The following CDC42BPG variants were observed in gnomAD, a reference collection of about 807,000 sequenced individuals.
CDC42BPG encodes the protein serine/threonine-protein kinase MRCK gamma.
CDC42BPG carries 157 observed loss-of-function variants against 192.2 expected under a neutral mutation model. The observed-to-expected ratio is 0.82, with a 90% CI of 0.72 to 0.93. CDC42BPG has a LOEUF of 0.93. Ranked by LOEUF, CDC42BPG falls within the 40% of genes least tolerant of loss-of-function variation. CDC42BPG has a pLI of 0.00. For missense variants in CDC42BPG, 1,992 were observed against 2,122.1 expected, an observed-to-expected ratio of 0.94 and a Z score of 1.20; for synonymous variants, 981 against 918.5, an observed-to-expected ratio of 1.07 and a Z score of -1.23.
Position 64,830,200 on chromosome 11 carries a change from T to C in CDC42BPG, c.3361A>G (p.Ser1121Gly). 6.2e-7 allele frequency: 1 copy of C among 1,613,644 alleles called. No homozygotes were observed. The highest frequency in any genetic ancestry group is 8.5e-7 in the Non-Finnish European group (1 of 1,179,814). Reference protein sequence around the residue: ...EEGLFVIHLRSNDIFQVGECR... With the variant: ...EEGLFVIHLRGNDIFQVGECR... ...GCCCAGCTTTGATAGGTACCGTTGC[T>C]GCGCAGATGGATGACAAAGAGCCCC... Residue 1121 changes from serine to glycine, a missense_variant, in exon 29 of 37, where the codon AGC becomes GGC. Around this residue, in one of 2 missense-constraint regions of CDC42BPG, gnomAD observed 1,656 missense variants for 1,844.3 expected, o/e 0.90. Transcript: ENST00000342711.
intron 9 of CDC42BPG, among the ~76,000 whole-genome samples, chr11:64,837,731 G>C (rs529623752): frequency 6.6e-6 from 1 of 152,320 alleles, no homozygotes; most frequent in South Asian, 2.1e-4. Flanking sequence ...CTAAGTGCTG[G>C]GATTACAACC....
At chr11:64,829,442 C>T in intron 30 of CDC42BPG, 29 bp downstream of exon 30, 2 of 1,599,850 alleles carry the variant, frequency 1.3e-6, no homozygotes, top group Non-Finnish European at 1.7e-6. Flanking sequence ...GGTGCCTGGC[C>T]CCCCTGCCAA....
chr11:64,829,979 G>C lies in CDC42BPG; in HGVS notation c.3459C>G (p.Pro1153=), dbSNP rs201615762. ...CCGCCAGGGCAAAGAGACGCACGCT[G>C]GGGCCGCGGCCACACAGCACGACCA... ...GLLVVLCGRG[P]SVRLFALAEL... The change falls in exon 30 of 37, where the codon CCC becomes CCG. Residue 1153 remains proline (P), a synonymous_variant. Coordinates refer to ENST00000342711, the MANE Select transcript of CDC42BPG (RefSeq NM_017525.3). 2.9e-5 allele frequency: 47 copies of C among 1,612,752 alleles called. No homozygotes were observed. The highest frequency in any genetic ancestry group is 3.9e-5 in the Non-Finnish European group (46 of 1,179,868).
chr11:64,832,842 T>A lies in CDC42BPG; in HGVS notation c.2849A>T (p.Tyr950Phe). 2 of 1,582,186 alleles carry A rather than the reference T, an allele frequency of 1.3e-6. No individual in the cohort carries two copies. The highest frequency in any genetic ancestry group is 2.3e-5 in the South Asian group (2 of 87,322). Reference protein sequence around the residue: ...VHPETGTGTAYEGFLSVPRPS... With the variant: ...VHPETGTGTAFEGFLSVPRPS... Reference sequence around the variant, plus strand: ...CCCACTCACCGACAGAAAGCCCTCATAGGCAGTGCCTGTGCCTGTTTCGGG... The same window carrying A: ...CCCACTCACCGACAGAAAGCCCTCAAAGGCAGTGCCTGTGCCTGTTTCGGG... The change falls in exon 25 of 37, where the codon TAT becomes TTT. Residue 950 changes from tyrosine (Y) to phenylalanine (F), a missense_variant. By Grantham distance (22) the Tyr-to-Phe change is conservative. This residue lies in a region of CDC42BPG where 1,656 missense variants were observed against 1,844.3 expected (regional missense o/e 0.90). Transcript: ENST00000342711.
At position 64,836,726 on chromosome 11, in the gene CDC42BPG, G is replaced by GGCC; in HGVS notation, c.1384+12_1384+13insGGC. 1.8e-5 allele frequency: 16 copies of GGCC among 889,228 alleles called. No homozygotes were observed. The highest frequency in any genetic ancestry group is 3.7e-4 in the Middle Eastern group (1 of 2,702). 55.1% of individuals were successfully genotyped at this position (889,228 alleles called of 1,614,324 possible). A position where few individuals can be genotyped will look rare whatever the true frequency, so the allele number is the denominator to read the frequency against. ...AGCCCTGGGGGGGGGGGGGGGGTGG[G>GGCC]CGGAAGGGATACCTGGCAGCCTGTC... On this transcript the variant is annotated intron_variant, in intron 11 of 36. Transcript: ENST00000342711.
At chr11:64,824,738 A>T (rs1372894292) in intron 36 of CDC42BPG, among the ~76,000 whole-genome samples, 1 of 151,844 alleles carries the variant, frequency 6.6e-6, no homozygotes, top group Non-Finnish European at 1.5e-5. Context: ...ATGGACTCAA[A>T]GTCCTTTTTT....
chr11:64,835,968 C>T, intron 13 of CDC42BPG, 117 bp from the exon 14 acceptor site: 1 of 1,298,286 alleles, frequency 7.7e-7, no homozygotes, highest in Non-Finnish European at 1.1e-6. Context: ...CATGGACTCC[C>T]AGACTGCCCC....
intron 3 of CDC42BPG, 135 bp from the exon 4 acceptor site, chr11:64,840,783 T>C (rs1021672682): frequency 2.0e-5 from 15 of 743,568 alleles, no homozygotes; most frequent in Admixed American, 6.3e-5. Flanking sequence ...CTGTCCCCTG[T>C]CTGGCTGCGA....
rs559752796 is a variant in CDC42BPG at position 64,840,146 on chromosome 11, C to T, written c.555G>A (p.Ser185=). The change falls in exon 5 of 37, where the codon TCG becomes TCA. Residue 185 remains serine, a synonymous_variant. Transcript: ENST00000342711. ...YLAEMVLAIH[S]LHQLGYVHRD... ...TGTGGACATAACCCAGCTGGTGCAG[C>T]GAGTGGATGGCCAGCACCATCTCAG... The T allele has an allele frequency of 2.0e-5, 33 of 1,612,776 alleles. No individual in the cohort carries two copies. Among genetic ancestry groups the T allele is most frequent in the South Asian group, 8.8e-5 (8 of 91,052 alleles).
intron 1 of CDC42BPG, among the ~76,000 whole-genome samples, chr11:64,842,627 C>A (rs983886239): frequency 6.6e-6 from 1 of 152,242 alleles, no homozygotes; most frequent in Non-Finnish European, 1.5e-5. Context: ...CTCTCTCACT[C>A]CCAGCCCTGC....
rs1223982780 is a variant in CDC42BPG, at chr11:64,829,851, C to G, written c.3587G>C (p.Cys1196Ser). The G allele has an allele frequency of 1.9e-6, 3 of 1,607,584 alleles. No homozygotes were observed. The highest frequency in any genetic ancestry group is 2.5e-6 in the Non-Finnish European group (3 of 1,178,262). Residue 1196 changes from cysteine (C) to serine (S), a missense_variant, in exon 30 of 37, where the codon TGT (cysteine) becomes TCT (serine). Cys to Ser is a moderately radical substitution (Grantham distance 112). This residue lies in a region of CDC42BPG where 1,656 missense variants were observed against 1,844.3 expected (regional missense o/e 0.90). Transcript: ENST00000342711. ...GAGCACCTGGCGCTTGACGGCTACA[C>G]AGAGCACCGGGGTGCGGGCCTGCAG... is the stretch of plus-strand genomic sequence containing the variant. ...SILQARTPVLCVAVKRQVLCY... is the reference protein window; with the variant it reads ...SILQARTPVLSVAVKRQVLCY...
Position 64,844,635 on chromosome 11 carries a change from T to C in CDC42BPG, c.-66A>G. ...GCCCGCATGCCCGCCTGTCGGGCCG[T>C]CCGTCCGCCCAACCGTCTGAGGCTC... On this transcript the variant is annotated 5_prime_UTR_variant, in exon 1 of 37. Transcript: ENST00000342711. The C allele has an allele frequency of 1.7e-6, 2 of 1,188,180 alleles. No homozygotes were observed. Among genetic ancestry groups the C allele is most frequent in the Non-Finnish European group, 2.1e-6 (2 of 949,674 alleles). 73.6% of individuals were successfully genotyped at this position (1,188,180 alleles called of 1,614,324 possible).
At position 64,836,722 on chromosome 11, in the gene CDC42BPG, G is replaced by GGGGGGGGGA; in HGVS notation, c.1384+16_1384+17insTCCCCCCCC. The GGGGGGGGGA allele has an allele frequency of 4.7e-6, 4 of 859,754 alleles. No individual in the cohort carries two copies. The highest frequency in any genetic ancestry group is 3.7e-5 in the South Asian group (2 of 54,598). The allele number at this position is 859,754 out of a possible 1,614,324, so 53.3% of individuals were successfully genotyped here. ...ACTCAGCCCTGGGGGGGGGGGGGGG[G>GGGGGGGGGA]TGGGCGGAAGGGATACCTGGCAGCC... On this transcript the variant is annotated intron_variant, in intron 11 of 36. Transcript: ENST00000342711.
Position 64,836,722 on chromosome 11 carries a change from G to GT in CDC42BPG, c.1384+16dup. 1 of 859,760 alleles carries GT rather than the reference G, an allele frequency of 1.2e-6. No individual in the cohort carries two copies. Among genetic ancestry groups the GT allele is most frequent in the Non-Finnish European group, 1.6e-6 (1 of 608,368 alleles). 53.3% of individuals were successfully genotyped at this position (859,760 alleles called of 1,614,324 possible). A position where few individuals can be genotyped will look rare whatever the true frequency, so the allele number is the denominator to read the frequency against. On this transcript the variant is annotated intron_variant, in intron 11 of 36. Transcript: ENST00000342711. ...ACTCAGCCCTGGGGGGGGGGGGGGG[G>GT]TGGGCGGAAGGGATACCTGGCAGCC... is the stretch of plus-strand genomic sequence containing the variant.
Position 64,824,292 on chromosome 11 carries a change from C to A in CDC42BPG, c.*181G>T. 1.5e-6 allele frequency: 1 copy of A among 681,952 alleles called. No homozygotes were observed. The allele number at this position is 681,952 out of a possible 1,614,324, so 42.2% of individuals were successfully genotyped here. A position where few individuals can be genotyped will look rare whatever the true frequency, so the allele number is the denominator to read the frequency against. ...ACAGAGGGGTAAGGCAGGATGAGGG[C>A]TGGGAGTCAGGACCCCCAAGTCCTG... is the stretch of plus-strand genomic sequence containing the variant. On this transcript the variant is annotated 3_prime_UTR_variant, in exon 37 of 37. Coordinates refer to ENST00000342711, the MANE Select transcript of CDC42BPG (RefSeq NM_017525.3).
rs2136444636 is a variant in CDC42BPG at position 64,844,526 on chromosome 11, T to C, written c.44A>G (p.Glu15Gly). 1 of 1,312,632 alleles carries C rather than the reference T, an allele frequency of 7.6e-7. No homozygotes were observed. Among genetic ancestry groups the C allele is most frequent in the Non-Finnish European group, 9.7e-7 (1 of 1,031,676 alleles). The allele number at this position is 1,312,632 out of a possible 1,614,324, so 81.3% of individuals were successfully genotyped here. Reference sequence around the variant, plus strand: ...GTCGAGCCCCGGGCAGCCGCCGGCCTCGCCCCGCGCCAGCTGCTCCAGCGC... The same window carrying C: ...GTCGAGCCCCGGGCAGCCGCCGGCCCCGCCCCGCGCCAGCTGCTCCAGCGC... Reference protein sequence around the residue: ...LRALEQLARGEAGGCPGLDGL... With the variant: ...LRALEQLARGGAGGCPGLDGL... Residue 15 changes from glutamate to glycine, a missense_variant, in exon 1 of 37, where the codon GAG becomes GGG. Transcript: ENST00000342711.
Position 64,830,189 on chromosome 11 carries a change from G to A in CDC42BPG, c.3367+5C>T, listed in dbSNP as rs1565674588. 3 of 1,613,684 alleles carry A rather than the reference G, an allele frequency of 1.9e-6. No homozygotes were observed. The highest frequency in any genetic ancestry group is 1.3e-5 in the African/African-American group (1 of 75,042). ...CGCCCACCCTAGCCCAGCTTTGATAGGTACCGTTGCTGCGCAGATGGATGA... is the reference window on the plus strand; with the variant it reads ...CGCCCACCCTAGCCCAGCTTTGATAAGTACCGTTGCTGCGCAGATGGATGA... On this transcript the variant is annotated splice_donor_5th_base_variant and intron_variant, in intron 29 of 36. Transcript: ENST00000342711.
intron 16 of CDC42BPG, 92 bp from the exon 17 acceptor site, chr11:64,835,245 C>T: frequency 6.2e-7 from 1 of 1,606,118 alleles, no homozygotes; most frequent in African/African-American, 1.3e-5. Flanking sequence ...CGAGCCCCGT[C>T]CATGTCCACC....
In CDC42BPG at chr11:64,826,798, T is replaced by G; in HGVS notation, c.4390-4A>C. ...CTCGGCCCTTCTCTTCGGGAGCCTG[T>G]TGGGTGACAGTGCGGAGGGGCTGGG... On this transcript the variant is annotated splice_polypyrimidine_tract_variant and splice_region_variant and intron_variant, in intron 34 of 36. Transcript: ENST00000342711. 6.7e-7 allele frequency: 1 copy of G among 1,495,078 alleles called. No individual in the cohort carries two copies. The allele number at this position is 1,495,078 out of a possible 1,614,324, so 92.6% of individuals were successfully genotyped here. A position where few individuals can be genotyped will look rare whatever the true frequency, so the allele number is the denominator to read the frequency against.
Sources: gnomAD v4.1 joint callset for allele counts (sites outside exome capture counted in the v4.1 genomes callset) on GRCh38, gnomAD v4.1.1 for gene constraint, gnomAD v4.1.1 regional missense constraint, MANE v1.5 for transcripts, NCBI Gene and HGNC (gene_info 2026-07-23, HGNC 2026-07-21) for gene names.